DPP6: variants seen among roughly 807,000 people sequenced by gnomAD.
DPP6 encodes A-type potassium channel modulatory protein DPP6.
DPP6 carries 69 observed loss-of-function variants against 122.6 expected under a neutral mutation model. That is an observed-to-expected ratio of 0.56 (90% CI 0.46 to 0.69). The LOEUF (loss-of-function observed/expected upper bound fraction) is 0.69. Among genes scored for constraint, DPP6 ranks in the 30% least tolerant of loss-of-function variants. DPP6 has a pLI of 0.00. For missense variants in DPP6, 928 were observed against 1,116.9 expected, an observed-to-expected ratio of 0.83 and a Z score of 2.41; for synonymous variants, 418 against 433.1, an observed-to-expected ratio of 0.97 and a Z score of 0.43.
At chr7:153,912,418 G>A (rs926068165) in intron 1 of DPP6, among the ~76,000 whole-genome samples, 1 of 152,150 alleles carries the variant, frequency 6.6e-6, no homozygotes, top group Non-Finnish European at 1.5e-5. Flanking sequence ...TTTAGTTGAA[G>A]GACTCCTCTG....
At chr7:154,824,631 C>A (rs1270076951) in intron 16 of DPP6, among the ~76,000 whole-genome samples, 1 of 152,194 alleles carries the variant, frequency 6.6e-6, no homozygotes, top group East Asian at 1.9e-4. Flanking sequence ...TGGGAAGTAT[C>A]TACTAGCTCC....
intron 1 of DPP6, among the ~76,000 whole-genome samples, chr7:154,286,864 G>A (rs1357871307): frequency 6.6e-6 from 1 of 150,954 alleles, no homozygotes; most frequent in African/African-American, 2.4e-5. Context: ...GAAGTGCAGT[G>A]GAGCTATCTT....
At chr7:153,839,280 C>A in the DPP6 span, among the ~76,000 whole-genome samples, 1 of 152,228 alleles carries the variant, frequency 6.6e-6, no homozygotes, top group East Asian at 1.9e-4. Flanking sequence ...CAATTGTCAT[C>A]TTTTAATTTG....
At chr7:154,442,888 G>T (rs1819510979) in intron 1 of DPP6, among the ~76,000 whole-genome samples, 1 of 152,154 alleles carries the variant, frequency 6.6e-6, no homozygotes, top group Non-Finnish European at 1.5e-5. Context: ...GGCCGCTCCT[G>T]TTCCCACCCT....
intron 8 of DPP6, among the ~76,000 whole-genome samples, chr7:154,741,051 G>A (rs1489451340): frequency 5.3e-5 from 8 of 152,186 alleles, no homozygotes; most frequent in African/African-American, 1.2e-4. Flanking sequence ...ACTTGCAGGC[G>A]TGGAGAGGAC....
chr7:154,476,571 A>T (rs1822757505), intron 3 of DPP6, among the ~76,000 whole-genome samples: 1 of 152,182 alleles, frequency 6.6e-6, no homozygotes, highest in South Asian at 2.1e-4. Flanking sequence ...CTCAGAGAGG[A>T]GGATCGGAAG....
rs562613722 is a variant in DPP6, at chr7:154,721,465, C to G, written c.763-6302C>G. Among the ~76,000 whole-genome samples the G allele has an allele frequency of 3.9e-5, 6 of 152,300 alleles. No individual in the cohort carries two copies. In the East Asian group the frequency reaches 9.6e-4, roughly 24 times the overall value. On this transcript the variant is annotated intron_variant, in intron 7 of 25. Coordinates refer to ENST00000377770, the MANE Select transcript of DPP6 (RefSeq NM_130797.4). ...TAAGCGAGTTAATGCTCATAAAGCA[C>G]TTTCGAAGTGTCTGCCCAACATATA...
chr7:154,533,237 G>A lies in DPP6; in HGVS notation c.458-7295G>A, dbSNP rs528842667. Among the ~76,000 whole-genome samples the A allele has an allele frequency of 3.3e-5, 5 of 152,250 alleles. No individual in the cohort carries two copies. The South Asian group carries it at 1.0e-3, about 32-fold the overall frequency. On this transcript the variant is annotated intron_variant, in intron 3 of 25. Transcript: ENST00000377770. ...TAAATGTGTATGTTTTTCTCGTGTT[G>A]ATGTGTCTTTTGTTGTAGGTGCCTC...
chr7:153,933,206 C>T (rs1033531113), intron 1 of DPP6, among the ~76,000 whole-genome samples: 21 of 152,104 alleles, frequency 1.4e-4, no homozygotes, highest in African/African-American at 2.2e-4. Context: ...GTTTCCTCAA[C>T]GGTAAACAAG....
intron 1 of DPP6, among the ~76,000 whole-genome samples, chr7:153,904,422 C>A (rs529159388): frequency 6.6e-6 from 1 of 152,164 alleles, no homozygotes. Context: ...GTTCTCAGCA[C>A]CCTCATCAGT....
intron 1 of DPP6, chr7:154,027,113 C>T (rs1334375428): frequency 6.8e-6 from 1 of 147,950 alleles, no homozygotes; most frequent in African/African-American, 2.5e-5. Context: ...TAATTATGAT[C>T]AGGGAGTTCT....
intron 1 of DPP6, among the ~76,000 whole-genome samples, chr7:154,122,468 C>A (rs1488751991): frequency 6.6e-6 from 1 of 152,180 alleles, no homozygotes; most frequent in Non-Finnish European, 1.5e-5. Flanking sequence ...ATAAAATAAA[C>A]CGAAGTTACT....
chr7:154,878,549 A>G (rs1370744106), intron 20 of DPP6, among the ~76,000 whole-genome samples: 1 of 152,204 alleles, frequency 6.6e-6, no homozygotes, highest in Non-Finnish European at 1.5e-5. Context: ...AAATAGCCCA[A>G]TTTGATCGGA....
At chr7:154,198,350 C>T (rs184933775) in intron 1 of DPP6, among the ~76,000 whole-genome samples, 14 of 152,000 alleles carry the variant, frequency 9.2e-5, no homozygotes, top group African/African-American at 2.7e-4. Flanking sequence ...CTCACTCTGT[C>T]GCCCAGGCTG....
intron 1 of DPP6, among the ~76,000 whole-genome samples, chr7:154,247,099 G>A (rs1280262487): frequency 6.6e-6 from 1 of 152,164 alleles, no homozygotes; most frequent in Non-Finnish European, 1.5e-5. Flanking sequence ...GATCATTTGA[G>A]GTCAGGAGTT....
At chr7:154,023,481 T>C (rs1389999782) in intron 1 of DPP6, among the ~76,000 whole-genome samples, 1 of 151,798 alleles carries the variant, frequency 6.6e-6, no homozygotes, top group Non-Finnish European at 1.5e-5. Flanking sequence ...TTTGAAATAC[T>C]GCCTTTGGAA....
At chr7:153,885,130 GAA>G (rs1050919995), upstream of DPP6, among the ~76,000 whole-genome samples, 1 of 151,018 alleles carries the variant, frequency 6.6e-6, no homozygotes, top group Non-Finnish European at 1.5e-5. Context: ...AGAGAGGGAG[GAA>G]AATTCTAGAT....
At chr7:153,763,885 A>G in the DPP6 span, among the ~76,000 whole-genome samples, 2 of 152,214 alleles carry the variant, frequency 1.3e-5, no homozygotes. Context: ...TCTAACGAAA[A>G]TGATGTGTAA....
chr7:154,127,195 G>A (rs558304835), intron 1 of DPP6, among the ~76,000 whole-genome samples: 7 of 152,246 alleles, frequency 4.6e-5, no homozygotes, highest in African/African-American at 1.2e-4. Context: ...ACTAAGTTAC[G>A]TCATTTTAAG....
Sources: gnomAD v4.1 joint callset for allele counts (sites outside exome capture counted in the v4.1 genomes callset) on GRCh38, gnomAD v4.1.1 for gene constraint, MANE v1.5 for transcripts, NCBI Gene and HGNC (gene_info 2026-07-23, HGNC 2026-07-21) for gene names.